The following CSMD1 variants were observed in gnomAD, a reference collection of about 807,000 sequenced individuals.
CSMD1 encodes CUB and Sushi multiple domains 1.
A neutral mutation model predicts 417.5 loss-of-function variants in CSMD1; 213 were observed. The observed-to-expected ratio is 0.51, with a 90% CI of 0.46 to 0.57. The LOEUF (loss-of-function observed/expected upper bound fraction) is 0.57. Ranked by LOEUF, CSMD1 falls within the 20% of genes least tolerant of loss-of-function variation. The probability of loss-of-function intolerance (pLI) is 0.00; values close to 1 mark genes in which losing one functional copy is unlikely to be tolerated. For synonymous variants in CSMD1, 2,862 were observed against 1,736.8 expected (o/e 1.65, Z -16.11); for missense variants, 6,923 against 4,529.7 (o/e 1.53, Z -15.17).
At chr8:3,829,553 T>G (rs1204030362) in intron 5 of CSMD1, among the ~76,000 whole-genome samples, 1 of 152,206 alleles carries the variant, frequency 6.6e-6, no homozygotes, top group Admixed American at 6.6e-5. Context: ...GGAGAGTTGC[T>G]ACTCTTTTCC....
chr8:4,614,535 G>C (rs1297129815), intron 2 of CSMD1, among the ~76,000 whole-genome samples: 1 of 152,032 alleles, frequency 6.6e-6, no homozygotes, highest in African/African-American at 2.4e-5. Context: ...ATGTAACATA[G>C]CACAAGCGGA....
chr8:4,030,342 C>T (rs943245753), intron 4 of CSMD1, among the ~76,000 whole-genome samples: 1 of 152,200 alleles, frequency 6.6e-6, no homozygotes, highest in Non-Finnish European at 1.5e-5. Flanking sequence ...TCTATACTTC[C>T]TCTGAAATCT....
At position 3,387,643 on chromosome 8, in the gene CSMD1, A is replaced by G; in HGVS notation, c.2633T>C (p.Ile878Thr). ...LESDSCLDPG[I>T]PVNGHRHGGD... ...ACCGTGGCGATGGCCGTTCACAGGG[A>G]TGCCCGGGTCCAGGCAGGAATCCGA... is the stretch of plus-strand genomic sequence containing the variant. The change falls in exon 18 of 70, where the codon ATC (isoleucine) becomes ACC (threonine). Residue 878 changes from isoleucine to threonine, a missense_variant. By Grantham distance (89) the Ile-to-Thr change is moderately conservative. Transcript: ENST00000635120. 1 of 1,600,942 alleles carries G rather than the reference A, an allele frequency of 6.2e-7. No individual in the cohort carries two copies. The highest frequency in any genetic ancestry group is 8.5e-7 in the Non-Finnish European group (1 of 1,173,566).
chr8:4,326,724 G>A (rs559315453), intron 3 of CSMD1, among the ~76,000 whole-genome samples: 1 of 152,118 alleles, frequency 6.6e-6, no homozygotes, highest in East Asian at 1.9e-4. Context: ...AACACCAAAT[G>A]GGGACTTGAT....
intron 3 of CSMD1, among the ~76,000 whole-genome samples, chr8:4,350,501 C>G (rs576042656): frequency 6.6e-6 from 1 of 152,136 alleles, no homozygotes; most frequent in Non-Finnish European, 1.5e-5. Flanking sequence ...GTAAGATCAC[C>G]GCAGCAGTGA....
chr8:4,366,023 C>G lies in CSMD1; in HGVS notation c.415+53930G>C, dbSNP rs540471501. 5.9e-5 allele frequency among the ~76,000 whole-genome samples: 9 copies of G among 152,182 alleles called. No individual in the cohort carries two copies. In the South Asian group the frequency reaches 1.0e-3, roughly 18 times the overall value. On this transcript the variant is annotated intron_variant, in intron 3 of 69. Transcript: ENST00000635120. The stretch of plus-strand genomic sequence containing the variant: ...AGGCTTGATTTAGGAATGAGCCTGT[C>G]GCCCAGGTAGTGAGCACAGTACCTG...
chr8:4,639,988 G>C (rs1002006329), intron 1 of CSMD1, among the ~76,000 whole-genome samples: 3 of 152,042 alleles, frequency 2.0e-5, no homozygotes, highest in Admixed American at 1.3e-4. Context: ...AGTAATTCTT[G>C]CTTAACAGTA....
At chr8:3,222,027 C>T (rs1290434742) in intron 28 of CSMD1, among the ~76,000 whole-genome samples, 1 of 152,108 alleles carries the variant, frequency 6.6e-6, no homozygotes, top group East Asian at 1.9e-4. Context: ...CTGGTCTCTC[C>T]CTCCTCACTA....
chr8:3,434,593 G>C (rs534921871), intron 12 of CSMD1, among the ~76,000 whole-genome samples: 317 of 152,230 alleles, frequency 2.1e-3, no homozygotes, highest in African/African-American at 7.2e-3. Context: ...TACTTCTCCA[G>C]CCTAAAATCA....
chr8:3,644,517 G>A (rs928773024), intron 7 of CSMD1, among the ~76,000 whole-genome samples: 1 of 152,148 alleles, frequency 6.6e-6, no homozygotes, highest in African/African-American at 2.4e-5. Context: ...AAGAAGATGG[G>A]GAAGATGATG....
chr8:4,816,401 G>A (rs1466928963), intron 1 of CSMD1, among the ~76,000 whole-genome samples: 2 of 151,930 alleles, frequency 1.3e-5, no homozygotes, highest in Admixed American at 1.3e-4. Flanking sequence ...GGGGCACTGT[G>A]GGGTGGTGGA....
intron 3 of CSMD1, among the ~76,000 whole-genome samples, chr8:4,404,949 T>C (rs1194497921): frequency 1.3e-5 from 2 of 152,186 alleles, no homozygotes; most frequent in East Asian, 1.9e-4. Context: ...TTATCCTCTT[T>C]TGGAAATATG....
chr8:4,883,946 A>G (rs1019362472), intron 1 of CSMD1, among the ~76,000 whole-genome samples: 3 of 152,008 alleles, frequency 2.0e-5, no homozygotes, highest in Admixed American at 6.5e-5. Context: ...TCACATTTCC[A>G]CTAGCTGCCT....
chr8:3,935,399 T>A (rs991170367), intron 5 of CSMD1, among the ~76,000 whole-genome samples: 2 of 152,240 alleles, frequency 1.3e-5, no homozygotes, highest in African/African-American at 4.8e-5. Context: ...CTTTGCTCTA[T>A]TGCATTTTGC....
chr8:4,237,996 G>A (rs1001187092), intron 3 of CSMD1, among the ~76,000 whole-genome samples: 2 of 152,132 alleles, frequency 1.3e-5, no homozygotes, highest in African/African-American at 4.8e-5. Flanking sequence ...GCATGCACAG[G>A]CCTACTGGGC....
chr8:4,412,582 C>G (rs540287842), intron 3 of CSMD1, among the ~76,000 whole-genome samples: 1 of 151,782 alleles, frequency 6.6e-6, no homozygotes, highest in African/African-American at 2.4e-5. Flanking sequence ...TGGACTAATA[C>G]AGCCTCACAA....
At chr8:3,003,223 T>C (rs955478091) in intron 52 of CSMD1, among the ~76,000 whole-genome samples, 3 of 152,204 alleles carry the variant, frequency 2.0e-5, no homozygotes, top group African/African-American at 7.2e-5. Context: ...GAAGGGAAAA[T>C]TGCATTAGGA....
intron 49 of CSMD1, among the ~76,000 whole-genome samples, chr8:3,066,208 C>T (rs535335643): frequency 6.6e-6 from 1 of 152,322 alleles, no homozygotes; most frequent in Admixed American, 6.5e-5. Flanking sequence ...GCTTCATTAA[C>T]TTTTCTACTA....
chr8:3,033,127 A>C (rs1810454664), intron 50 of CSMD1, among the ~76,000 whole-genome samples: 1 of 152,064 alleles, frequency 6.6e-6, no homozygotes, highest in Non-Finnish European at 1.5e-5. Context: ...AAGATATTTT[A>C]TTTTGAAAGT....
Sources: gnomAD v4.1 joint callset for allele counts (sites outside exome capture counted in the v4.1 genomes callset) on GRCh38, gnomAD v4.1.1 for gene constraint, MANE v1.5 for transcripts, NCBI Gene and HGNC (gene_info 2026-07-23, HGNC 2026-07-21) for gene names.